Variants in PSD3 observed in about 807,000 individuals in gnomAD.
PSD3 encodes PH and SEC7 domain-containing protein 3.
PSD3 carries 49 observed loss-of-function variants against 105.5 expected under a neutral mutation model. The ratio of observed to expected loss-of-function variants is 0.46; its 90% confidence interval spans 0.37 to 0.59. The LOEUF (loss-of-function observed/expected upper bound fraction) is 0.59. PSD3 is among the 20% of genes least tolerant of loss of function. PSD3 has a pLI of 0.00. For missense variants in PSD3, 1,561 were observed against 1,263.8 expected (o/e 1.24, Z -3.57); for synonymous variants, 557 against 457.8 (o/e 1.22, Z -2.77).
At chr8:18,799,242 G>A in intron 8 of PSD3, 53 bp downstream of exon 8, 2 of 1,449,722 alleles carry the variant, frequency 1.4e-6, no homozygotes, top group Non-Finnish European at 1.9e-6. Context: ...GAACATAAAA[G>A]CAGAGATAAG....
chr8:18,592,131 G>A (rs2035681), intron 12 of PSD3, among the ~76,000 whole-genome samples: 30,699 of 152,010 alleles, frequency 0.2, 3,797 homozygotes, highest in Non-Finnish European at 0.28. Flanking sequence ...CTGTAAAGAT[G>A]CTCAACAAGC....
chr8:18,566,284 G>C (rs1455230629), intron 14 of PSD3, among the ~76,000 whole-genome samples: 2 of 152,096 alleles, frequency 1.3e-5, no homozygotes, highest in African/African-American at 4.8e-5. Flanking sequence ...CAGCACTTTG[G>C]GAGGCCGAGG....
chr8:18,680,881 T>C (rs139854470), intron 9 of PSD3, among the ~76,000 whole-genome samples: 299 of 152,306 alleles, frequency 2.0e-3, no homozygotes, highest in African/African-American at 6.9e-3. Context: ...CTCACTAAAA[T>C]TAAAAGCAAA....
chr8:18,775,393 G>C (rs575134959), intron 8 of PSD3, among the ~76,000 whole-genome samples: 7 of 152,250 alleles, frequency 4.6e-5, no homozygotes, highest in Admixed American at 3.9e-4. Flanking sequence ...TGGGAATGGA[G>C]AGTCATATGG....
chr8:18,831,149 G>A (rs1190752631), intron 4 of PSD3, among the ~76,000 whole-genome samples: 3 of 152,104 alleles, frequency 2.0e-5, no homozygotes, highest in Admixed American at 6.5e-5. Context: ...ATAAAATAGG[G>A]CAGCTACTAT....
At chr8:18,669,146 T>A (rs181188778) in intron 9 of PSD3, among the ~76,000 whole-genome samples, 104 of 152,346 alleles carry the variant, frequency 6.8e-4, no homozygotes, top group African/African-American at 2.4e-3. Flanking sequence ...TATTGTACAA[T>A]GACCACAACA....
intron 4 of PSD3, among the ~76,000 whole-genome samples, chr8:18,839,972 C>T (rs527977155): frequency 3.3e-5 from 5 of 152,160 alleles, no homozygotes; most frequent in Non-Finnish European, 7.3e-5. Flanking sequence ...CTTCTCCCCT[C>T]CCACAAACTG....
intron 1 of PSD3, among the ~76,000 whole-genome samples, chr8:18,970,505 A>C (rs1019937040): frequency 6.6e-6 from 1 of 152,112 alleles, no homozygotes; most frequent in Non-Finnish European, 1.5e-5. Context: ...TCTACCAGAC[A>C]ATCAGACATA....
intron 2 of PSD3, among the ~76,000 whole-genome samples, chr8:18,913,047 T>C (rs1820340128): frequency 7.0e-6 from 1 of 142,216 alleles, no homozygotes; most frequent in Non-Finnish European, 1.5e-5. Context: ...AAAAATCTGG[T>C]TTAATCTAAA....
intron 1 of PSD3, among the ~76,000 whole-genome samples, chr8:19,068,393 G>T (rs563458191): frequency 1.3e-5 from 2 of 151,996 alleles, no homozygotes; most frequent in South Asian, 2.1e-4. Context: ...GGGCTTGAGA[G>T]ATCCTCCTGC....
chr8:19,019,206 C>T (rs2129475796), intron 1 of PSD3, among the ~76,000 whole-genome samples: 1 of 152,216 alleles, frequency 6.6e-6, no homozygotes, highest in African/African-American at 2.4e-5. Context: ...CAGATGAGTT[C>T]CCCAGGCTTC....
chr8:18,612,895 C>T (rs28546975), intron 11 of PSD3, among the ~76,000 whole-genome samples: 1,616 of 152,204 alleles, frequency 0.011, 26 homozygotes, highest in African/African-American at 0.037. Context: ...GCCACAGAGT[C>T]GCTCAGATCT....
At chr8:18,727,903 T>C (rs748521080) in intron 9 of PSD3, among the ~76,000 whole-genome samples, 43 of 152,208 alleles carry the variant, frequency 2.8e-4, no homozygotes, top group Non-Finnish European at 8.8e-5. Flanking sequence ...AGCTACTTTC[T>C]AGACTTATAT....
intron 8 of PSD3, among the ~76,000 whole-genome samples, chr8:18,778,732 T>G (rs1808328078): frequency 6.6e-6 from 1 of 151,940 alleles, no homozygotes. Flanking sequence ...AAATATAATT[T>G]TTGACCTTTT....
chr8:18,737,066 T>C (rs749814569), intron 9 of PSD3, among the ~76,000 whole-genome samples: 1 of 152,220 alleles, frequency 6.6e-6, no homozygotes, highest in Non-Finnish European at 1.5e-5. Flanking sequence ...TAGTTGTCCA[T>C]TGGAATCACC....
At chr8:18,567,580 A>G (rs185144839) in intron 14 of PSD3, among the ~76,000 whole-genome samples, 1 of 152,332 alleles carries the variant, frequency 6.6e-6, no homozygotes, top group East Asian at 1.9e-4. Context: ...GCTTACAAGT[A>G]AGCATTCAAT....
intron 4 of PSD3, among the ~76,000 whole-genome samples, chr8:18,831,271 G>T (rs1284512498): frequency 6.6e-6 from 1 of 152,210 alleles, no homozygotes; most frequent in African/African-American, 2.4e-5. Context: ...TGCAGCTCTA[G>T]AATGGCTCTG....
chr8:18,985,282 T>C (rs1825446233), intron 1 of PSD3, among the ~76,000 whole-genome samples: 1 of 152,156 alleles, frequency 6.6e-6, no homozygotes, highest in Non-Finnish European at 1.5e-5. Context: ...TACCTGGTTC[T>C]GGAACTGAAA....
intron 1 of PSD3, among the ~76,000 whole-genome samples, chr8:19,040,407 T>C (rs1157286024): frequency 6.6e-6 from 1 of 152,088 alleles, no homozygotes; most frequent in Non-Finnish European, 1.5e-5. Context: ...GGTCTTGCCA[T>C]GTTGCCCAGG....
Sources: allele counts gnomAD v4.1 joint callset (sites outside exome capture counted in the v4.1 genomes callset), GRCh38; gene constraint gnomAD v4.1.1; transcripts MANE v1.5; gene names NCBI Gene and HGNC (gene_info 2026-07-23, HGNC 2026-07-21).